The following HCLS1 variants were observed in gnomAD, a reference collection of about 807,000 sequenced individuals.
The protein encoded by HCLS1 is hematopoietic cell-specific Lyn substrate 1, also known as hematopoietic lineage cell-specific protein.
HCLS1 carries 44 observed loss-of-function variants against 68.6 expected under a neutral mutation model. The observed-to-expected ratio is 0.64, with a 90% CI of 0.50 to 0.82. The LOEUF (loss-of-function observed/expected upper bound fraction) is 0.82. Ranked by LOEUF, HCLS1 falls within the 40% of genes least tolerant of loss-of-function variation. The probability of loss-of-function intolerance (pLI) is 0.00; values close to 1 mark genes in which losing one functional copy is unlikely to be tolerated. For synonymous variants in HCLS1, 217 were observed against 225.8 expected (o/e 0.96, Z 0.35); for missense variants, 602 against 612.1 (o/e 0.98, Z 0.17).
chr3:121,648,430 C>T (rs1222855146), intron 3 of HCLS1, among the ~76,000 whole-genome samples: 1 of 152,152 alleles, frequency 6.6e-6, no homozygotes, highest in Non-Finnish European at 1.5e-5. Context: ...GATAGCTCAG[C>T]CCCACGTGAC....
At chr3:121,645,062 C>A in intron 4 of HCLS1, 134 bp from the exon 5 acceptor site, 1 of 672,568 alleles carries the variant, frequency 1.5e-6, no homozygotes, top group Non-Finnish European at 2.6e-6. Flanking sequence ...ACAGTGGTGC[C>A]AAGGAATACG....
Position 121,658,352 on chromosome 3 carries a change from G to C in HCLS1, c.1-5C>G. On this transcript the variant is annotated splice_region_variant and splice_polypyrimidine_tract_variant and intron_variant, in intron 1 of 13. Coordinates refer to ENST00000314583, the MANE Select transcript of HCLS1 (RefSeq NM_005335.6). Reference sequence around the variant, plus strand: ...GCCCACTACAGACTTCCACATCTGAGAGTGACCGGAGATGGGAATAATTAG... The same window carrying C: ...GCCCACTACAGACTTCCACATCTGACAGTGACCGGAGATGGGAATAATTAG... The C allele has an allele frequency of 6.2e-7, 1 of 1,609,320 alleles. No individual in the cohort carries two copies. The highest frequency in any genetic ancestry group is 8.5e-7 in the Non-Finnish European group (1 of 1,175,654).
At chr3:121,650,482 A>G (rs1371021099) in intron 3 of HCLS1, among the ~76,000 whole-genome samples, 2 of 152,150 alleles carry the variant, frequency 1.3e-5, no homozygotes, top group East Asian at 1.9e-4. Context: ...AAATAGATCA[A>G]CAGAACAGAA....
intron 7 of HCLS1, 71 bp from the exon 8 acceptor site, chr3:121,636,560 G>T: frequency 8.6e-7 from 1 of 1,158,908 alleles, no homozygotes; most frequent in Non-Finnish European, 1.3e-6. Context: ...GAATCAGTGG[G>T]AAGAAAAACA....
chr3:121,637,802 G>A (rs2049163861), intron 6 of HCLS1, among the ~76,000 whole-genome samples: 1 of 152,118 alleles, frequency 6.6e-6, no homozygotes, highest in African/African-American at 2.4e-5. Context: ...CAGGCATGGT[G>A]ATGTGCGTCT....
rs78571288 is a variant in HCLS1, at chr3:121,643,862, G to C, written c.400-881C>G. 6 of 152,314 alleles carry C rather than the reference G, an allele frequency of 3.9e-5. No individual in the cohort carries two copies. In the East Asian group the frequency reaches 1.2e-3, roughly 29 times the overall value. The allele number at this position is 152,314 out of a possible 1,614,324, so 9.4% of individuals were successfully genotyped here. ...GGCAGGCAAGAGTGGTGCCAAGATG[G>C]AACAGGGAATTCCATCCTGATTCTA... On this transcript the variant is annotated intron_variant, in intron 5 of 13. Coordinates refer to ENST00000314583, the MANE Select transcript of HCLS1 (RefSeq NM_005335.6).
At chr3:121,637,376 G>T (rs2049160247) in intron 6 of HCLS1, 120 bp from the exon 7 acceptor site, 6 of 672,748 alleles carry the variant, frequency 8.9e-6, no homozygotes, top group South Asian at 1.7e-5. Context: ...AAAAGAGCAG[G>T]GCTTGAATAC....
chr3:121,658,410 G>A (rs1937920056), intron 1 of HCLS1, 63 bp from the exon 2 acceptor site: 1 of 1,245,072 alleles, frequency 8.0e-7, no homozygotes. Context: ...GGGAAAATAG[G>A]AATGCTGAAG....
At chr3:121,646,002 A>C (rs1193480014) in intron 4 of HCLS1, among the ~76,000 whole-genome samples, 1 of 133,890 alleles carries the variant, frequency 7.5e-6, no homozygotes, top group Admixed American at 8.1e-5. Context: ...TATATTTATA[A>C]ATATATTTAT....
chr3:121,649,421 G>T (rs757559288), intron 3 of HCLS1, among the ~76,000 whole-genome samples: 3 of 152,152 alleles, frequency 2.0e-5, no homozygotes, highest in Non-Finnish European at 2.9e-5. Flanking sequence ...TTTTAGTAGA[G>T]ACAGGGTTTC....
At chr3:121,647,235 C>A (rs1937627336) in intron 4 of HCLS1, 84 bp downstream of exon 4, 2 of 1,407,938 alleles carry the variant, frequency 1.4e-6, no homozygotes, top group South Asian at 2.5e-5. Flanking sequence ...CCCACCTTGG[C>A]CTTCCAAAGT....
At chr3:121,640,022 A>G (rs994467756) in intron 6 of HCLS1, among the ~76,000 whole-genome samples, 1 of 152,166 alleles carries the variant, frequency 6.6e-6, no homozygotes, top group Admixed American at 6.5e-5. Context: ...ACTTCTAGTA[A>G]GAATAATTAA....
At chr3:121,646,987 T>TAA (rs1937620140) in intron 4 of HCLS1, among the ~76,000 whole-genome samples, 1 of 141,076 alleles carries the variant, frequency 7.1e-6, no homozygotes, top group Non-Finnish European at 1.5e-5. Context: ...TTTTATTTAT[T>TAA]TTTTTTTTTT....
chr3:121,645,027 T>G, intron 4 of HCLS1, 99 bp from the exon 5 acceptor site: 1 of 905,864 alleles, frequency 1.1e-6, no homozygotes, highest in Non-Finnish European at 1.8e-6. Flanking sequence ...AGAAATTCCA[T>G]TCTGGGTCAG....
intron 1 of HCLS1, among the ~76,000 whole-genome samples, chr3:121,660,235 A>AT (rs1937962059): frequency 6.6e-6 from 1 of 152,164 alleles, no homozygotes; most frequent in African/African-American, 2.4e-5. Flanking sequence ...ATTATCTCTG[A>AT]TTTTCCCAGT....
chr3:121,636,196 C>T (rs571997659), intron 8 of HCLS1, among the ~76,000 whole-genome samples: 6 of 152,292 alleles, frequency 3.9e-5, no homozygotes, highest in East Asian at 1.9e-4. Flanking sequence ...CGACCTTTCC[C>T]GGCGGTTTAC....
At position 121,631,523 on chromosome 3, in the gene HCLS1, G is replaced by C; in HGVS notation, c.*323C>G. On this transcript the variant is annotated 3_prime_UTR_variant, in exon 14 of 14. Coordinates refer to ENST00000314583, the MANE Select transcript of HCLS1 (RefSeq NM_005335.6). ...ATGAGGCAAACCACACAATCTAGACGTACTTTCCCGGGTAAACAAACTGGG... is the reference window on the plus strand; with the variant it reads ...ATGAGGCAAACCACACAATCTAGACCTACTTTCCCGGGTAAACAAACTGGG... The C allele has an allele frequency of 3.4e-6, 1 of 291,152 alleles. No individual in the cohort carries two copies. The highest frequency in any genetic ancestry group is 6.5e-6 in the Non-Finnish European group (1 of 154,128). 18.0% of individuals were successfully genotyped at this position (291,152 alleles called of 1,614,324 possible). A position where few individuals can be genotyped will look rare whatever the true frequency, so the allele number is the denominator to read the frequency against.
At chr3:121,658,957 C>T (rs1937931977) in intron 1 of HCLS1, among the ~76,000 whole-genome samples, 1 of 152,184 alleles carries the variant, frequency 6.6e-6, no homozygotes, top group Non-Finnish European at 1.5e-5. Context: ...GAAATTTCCA[C>T]ATGGAACAAT....
chr3:121,632,155 C>A lies in HCLS1; in HGVS notation c.1270G>T (p.Ala424Ser), dbSNP rs2049103981. 4 of 1,612,832 alleles carry A rather than the reference C, an allele frequency of 2.5e-6. No homozygotes were observed. The South Asian group carries it at 4.4e-5, about 18-fold the overall frequency. Reference protein sequence around the residue: ...GSSGCPAGAGAGAVALGISAV... With the variant: ...GSSGCPAGAGSGAVALGISAV... ...GAGATCCCCAGAGCCACAGCCCCAG[C>A]CCCAGCCCCAGCCGGGCAGCCTGAT... Residue 424 changes from alanine to serine, a missense_variant, in exon 13 of 14, where the codon GCT (alanine) becomes TCT (serine). Physicochemically the swap from Ala to Ser is moderately conservative, Grantham distance 99. Transcript: ENST00000314583.
Sources: allele counts gnomAD v4.1 joint callset (sites outside exome capture counted in the v4.1 genomes callset), GRCh38; gene constraint gnomAD v4.1.1; transcripts MANE v1.5; gene names NCBI Gene and HGNC (gene_info 2026-07-23, HGNC 2026-07-21).